The following GSK3B variants were observed in gnomAD, a reference collection of about 807,000 sequenced individuals.
GSK3B encodes glycogen synthase kinase 3 beta.
In GSK3B, 15 loss-of-function variants were observed where a neutral mutation model predicts 56.4. The observed-to-expected ratio is 0.27, with a 90% CI of 0.18 to 0.41. The LOEUF (loss-of-function observed/expected upper bound fraction) is 0.41, where lower values mean the gene tolerates loss of function less well. Ranked by LOEUF, GSK3B falls within the 10% of genes least tolerant of loss-of-function variation. The pLI, the probability that GSK3B is intolerant of heterozygous loss-of-function variation, is 1.00. For missense variants in GSK3B, 300 were observed against 513.4 expected (o/e 0.58, Z 4.02); for synonymous variants, 181 against 188.9 (o/e 0.96, Z 0.34).
At chr3:120,024,524 T>C (rs567311585) in intron 1 of GSK3B, among the ~76,000 whole-genome samples, 2 of 152,336 alleles carry the variant, frequency 1.3e-5, no homozygotes, top group African/African-American at 4.8e-5. Flanking sequence ...TACGTACACA[T>C]ATCTCTCTTC....
intron 1 of GSK3B, chr3:120,028,715 C>T: frequency 2.2e-6 from 1 of 463,166 alleles, no homozygotes; most frequent in Non-Finnish European, 4.3e-6. Flanking sequence ...TCCTTGCAGG[C>T]CATGGTGGGG....
chr3:119,848,402 T>C (rs938739408), intron 9 of GSK3B, among the ~76,000 whole-genome samples: 2 of 151,834 alleles, frequency 1.3e-5, no homozygotes, highest in Admixed American at 6.6e-5. Context: ...GCATGAATTT[T>C]AAAAAGTTCA....
At chr3:119,841,699 A>G (rs2055774529) in intron 10 of GSK3B, among the ~76,000 whole-genome samples, 1 of 152,190 alleles carries the variant, frequency 6.6e-6, no homozygotes, top group South Asian at 2.1e-4. Context: ...AGTAATTGCC[A>G]CTCCATTTTA....
At chr3:120,088,736 C>T (rs1048422040) in intron 1 of GSK3B, among the ~76,000 whole-genome samples, 1 of 152,202 alleles carries the variant, frequency 6.6e-6, no homozygotes, top group African/African-American at 2.4e-5. Context: ...CCGGGGAACC[C>T]GGTTGGTCCT....
chr3:119,842,269 T>C (rs2055783706), intron 10 of GSK3B, among the ~76,000 whole-genome samples: 1 of 152,182 alleles, frequency 6.6e-6, no homozygotes, highest in South Asian at 2.1e-4. Context: ...GCCCCACCAT[T>C]AGCTGGCTTC....
At position 120,077,358 on chromosome 3, in the gene GSK3B, G is replaced by A. The variant is rs1463742513; in HGVS notation, c.88+15989C>T. On this transcript the variant is annotated intron_variant, in intron 1 of 10. Coordinates refer to ENST00000264235, the MANE Select transcript of GSK3B (RefSeq NM_001146156.2). ...CACACACATATGGATGGACCTGAAG[G>A]ACATTAACTGAAATAAACTATACAC... Among the ~76,000 whole-genome samples the A allele has an allele frequency of 2.0e-5, 3 of 152,004 alleles. No individual in the cohort carries two copies. In the East Asian group the frequency reaches 5.8e-4, roughly 29 times the overall value.
intron 1 of GSK3B, among the ~76,000 whole-genome samples, chr3:120,016,310 C>T (rs1263561298): frequency 6.6e-6 from 1 of 152,118 alleles, no homozygotes. Context: ...TAATGCAGGT[C>T]CAGCTACCAC....
intron 2 of GSK3B, among the ~76,000 whole-genome samples, chr3:119,989,219 A>T (rs781648154): frequency 1.1e-4 from 16 of 152,170 alleles, no homozygotes; most frequent in Non-Finnish European, 2.4e-4. Flanking sequence ...AATCCACGGA[A>T]CCCAGGGTAA....
chr3:119,895,508 A>G (rs1186673250), intron 7 of GSK3B, among the ~76,000 whole-genome samples: 1 of 152,168 alleles, frequency 6.6e-6, no homozygotes, highest in Admixed American at 6.6e-5. Context: ...ATAGTTTTCC[A>G]TAATGGTTGT....
At chr3:119,888,673 A>C (rs983022842) in intron 7 of GSK3B, among the ~76,000 whole-genome samples, 1 of 152,126 alleles carries the variant, frequency 6.6e-6, no homozygotes, top group Non-Finnish European at 1.5e-5. Flanking sequence ...ATAAGGTCTG[A>C]CTGCCTGCAG....
At chr3:119,947,728 CTG>C (rs1172677223) in intron 2 of GSK3B, among the ~76,000 whole-genome samples, 1 of 151,710 alleles carries the variant, frequency 6.6e-6, no homozygotes, top group Non-Finnish European at 1.5e-5. Flanking sequence ...GAATTCAAAA[CTG>C]TAAGAACTGT....
chr3:120,046,599 ATTTAAT>A (rs2058104952), intron 1 of GSK3B, among the ~76,000 whole-genome samples: 1 of 152,068 alleles, frequency 6.6e-6, no homozygotes, highest in Non-Finnish European at 1.5e-5. Context: ...TAAAATTTTA[ATTTAAT>A]TTTATTTATT....
intron 2 of GSK3B, among the ~76,000 whole-genome samples, chr3:119,963,625 C>CT (rs2057292669): frequency 1.3e-5 from 1 of 79,196 alleles, no homozygotes; most frequent in Non-Finnish European, 2.6e-5. Context: ...TTCTTCCCCA[C>CT]AAAAAAAAAA....
intron 1 of GSK3B, among the ~76,000 whole-genome samples, chr3:120,085,048 C>A (rs2058451889): frequency 6.6e-6 from 1 of 151,996 alleles, no homozygotes; most frequent in East Asian, 1.9e-4. Context: ...CCAGTGGTCT[C>A]CAGGAAAGAG....
chr3:120,083,306 G>GA (rs921667794), intron 1 of GSK3B, among the ~76,000 whole-genome samples: 1 of 152,038 alleles, frequency 6.6e-6, no homozygotes, highest in African/African-American at 2.4e-5. Context: ...GAAGAGCAGC[G>GA]AAAGAAGTCA....
rs1366258969 is a variant in GSK3B at position 119,947,325 on chromosome 3, C to T, written c.309G>A (p.Lys103=). 1.2e-6 allele frequency: 2 copies of T among 1,604,484 alleles called. No homozygotes were observed. The highest frequency in any genetic ancestry group is 1.7e-6 in the Non-Finnish European group (2 of 1,171,598). ...FKNRELQIMR[K]LDHCNIVRLR... ...ATCGGACTATGTTACAGTGATCTAG[C>T]TTTCTCATGATCTGGAGCTCTCGAT... The change falls in exon 3 of 11, where the codon AAG becomes AAA. Residue 103 remains lysine (K), a synonymous_variant. Coordinates refer to ENST00000264235, the MANE Select transcript of GSK3B (RefSeq NM_001146156.2).
chr3:119,936,322 TAAATATATATAAAAA>T, intron 3 of GSK3B, among the ~76,000 whole-genome samples: 1 of 144,276 alleles, frequency 6.9e-6, no homozygotes, highest in Non-Finnish European at 1.5e-5. Context: ...TATAAAAATA[TAAATATATATAAAAA>T]ATATATATAT....
At chr3:120,091,409 T>C (rs544119834) in intron 1 of GSK3B, among the ~76,000 whole-genome samples, 2 of 152,320 alleles carry the variant, frequency 1.3e-5, no homozygotes, top group East Asian at 3.9e-4. Flanking sequence ...AACATTTTCA[T>C]CTATATATTT....
rs564736016 is a variant in GSK3B, at chr3:120,080,207, C to T, written c.88+13140G>A. On this transcript the variant is annotated intron_variant, in intron 1 of 10. Transcript: ENST00000264235. ...TGTGGATGCTGAGGTGGGAGGATTGCTTGAGCCCAGGAGGTTGAGGCTGCA... is the reference window on the plus strand; with the variant it reads ...TGTGGATGCTGAGGTGGGAGGATTGTTTGAGCCCAGGAGGTTGAGGCTGCA... 1.1e-4 allele frequency among the ~76,000 whole-genome samples: 16 copies of T among 152,130 alleles called. No homozygotes were observed. The South Asian group carries it at 2.5e-3, about 24-fold the overall frequency.
Sources: allele counts gnomAD v4.1 joint callset (sites outside exome capture counted in the v4.1 genomes callset), GRCh38; gene constraint gnomAD v4.1.1; transcripts MANE v1.5; gene names NCBI Gene and HGNC (gene_info 2026-07-23, HGNC 2026-07-21).